The following CFAP65 variants were observed in gnomAD, a reference collection of about 807,000 sequenced individuals.
CFAP65 encodes cilia- and flagella-associated protein 65.
CFAP65 carries 155 observed loss-of-function variants against 208.0 expected under a neutral mutation model. The observed-to-expected ratio is 0.75, with a 90% CI of 0.65 to 0.85. The LOEUF is 0.85. Ranked by LOEUF, CFAP65 falls within the 40% of genes least tolerant of loss-of-function variation. CFAP65 has a pLI of 0.00. For missense variants in CFAP65, 2,294 were observed against 2,451.3 expected (o/e 0.94, Z 1.36); for synonymous variants, 970 against 986.3 (o/e 0.98, Z 0.31).
Position 219,004,507 on chromosome 2 carries a change from T to C in CFAP65, c.5052-52A>G, listed in dbSNP as rs750457337. On this transcript the variant is annotated intron_variant, in intron 32 of 34. Coordinates refer to ENST00000341552, the MANE Select transcript of CFAP65 (RefSeq NM_194302.4). The surrounding 1 kb of genome is among the most constrained non-coding windows in gnomAD (Gnocchi z 4.7). ...CCTTGCTGAGGGGCCCTGAAGCCCC[T>C]GGGGAGCCCTGGCTTCAGAGCTAGG... The C allele has an allele frequency of 1.3e-6, 2 of 1,537,946 alleles. No homozygotes were observed. The highest frequency in any genetic ancestry group is 1.7e-6 in the Non-Finnish European group (2 of 1,146,998).
At chr2:219,015,350 G>C (rs371664014) in intron 21 of CFAP65, 1 of 150,732 alleles carries the variant, frequency 6.6e-6, no homozygotes, top group East Asian at 2.0e-4. Flanking sequence ...CACACCTGAC[G>C]GGAAGTGTGC....
rs1948062971 is a variant in CFAP65, at chr2:219,031,838, T to G, written c.646-180A>C. Among the ~76,000 whole-genome samples the G allele has an allele frequency of 6.6e-6, 1 of 152,142 alleles. No individual in the cohort carries two copies. Among genetic ancestry groups the G allele is most frequent in the African/African-American group, 2.4e-5 (1 of 41,424 alleles). ...TGTCTTGGTCTCAAACATTAGAGCC[T>G]CTTTTGTGGAAAAAGTATTTTGAGG... On this transcript the variant is annotated intron_variant, in intron 6 of 34. Transcript: ENST00000341552. The surrounding 1 kb of genome is among the most constrained non-coding windows in gnomAD (Gnocchi z 5.2).
rs1210590403 is a variant in CFAP65, at chr2:219,040,542, A to C, written c.-26T>G. ...ACCTCCAATTGTGAACTGGACGTTCAGATGAAATCAAAGAAATGTAAGCTG... is the reference window on the plus strand; with the variant it reads ...ACCTCCAATTGTGAACTGGACGTTCCGATGAAATCAAAGAAATGTAAGCTG... On this transcript the variant is annotated 5_prime_UTR_variant, in exon 2 of 35. An upstream open reading frame in the 5' UTR loses its in-frame stop. Transcript: ENST00000341552. The C allele has an allele frequency of 6.5e-7, 1 of 1,541,750 alleles. No individual in the cohort carries two copies. Among genetic ancestry groups the C allele is most frequent in the Admixed American group, 2.0e-5 (1 of 51,006 alleles).
chr2:219,031,511 A>G lies in CFAP65; in HGVS notation c.793T>C (p.Phe265Leu), dbSNP rs1209460566. Residue 265 changes from phenylalanine (F) to leucine (L), a missense_variant, in exon 7 of 35, where the codon TTT becomes CTT. Transcript: ENST00000341552. This position sits in a 1 kb window ranked among gnomAD's most constrained non-coding sequence, Gnocchi z 5.2. ...MCAVGDTTEA[F>L]FCLDNVGDLP... ...CACCCCACATTATCCAGGCAGAAAA[A>G]GGCCTCAGTCGTATCTCCCACAGCA... is the stretch of plus-strand genomic sequence containing the variant. 1 of 1,614,146 alleles carries G rather than the reference A, an allele frequency of 6.2e-7. No individual in the cohort carries two copies. Among genetic ancestry groups the G allele is most frequent in the Admixed American group, 1.7e-5 (1 of 60,022 alleles).
rs1192928554 is a variant in CFAP65 at position 219,004,997 on chromosome 2, C to T, written c.5051+437G>A. On this transcript the variant is annotated intron_variant, in intron 32 of 34. Coordinates refer to ENST00000341552, the MANE Select transcript of CFAP65 (RefSeq NM_194302.4). The surrounding 1 kb of genome is among the most constrained non-coding windows in gnomAD (Gnocchi z 4.7). ...TCTTTCTCTCTTTCTGTCTTTGTCT[C>T]TTTCTTTCTTTCTCTTTTCTTTTCT... is the stretch of plus-strand genomic sequence containing the variant. Among the ~76,000 whole-genome samples the T allele has an allele frequency of 6.8e-6, 1 of 146,442 alleles. No individual in the cohort carries two copies. The highest frequency in any genetic ancestry group is 2.5e-5 in the African/African-American group (1 of 39,298).
At chr2:219,022,030 G>A in intron 17 of CFAP65, 100 bp from the exon 18 acceptor site, 1 of 1,552,102 alleles carries the variant, frequency 6.4e-7, no homozygotes, top group East Asian at 2.2e-5. Context: ...GGAAGGGCAA[G>A]TTTGGGGTAT....
chr2:219,002,915 C>G lies in CFAP65; in HGVS notation c.*22G>C, dbSNP rs769458858. The stretch of plus-strand genomic sequence containing the variant: ...CCAGGCGTGACCCCTAGCGGCATGT[C>G]GGAGAGGCTGGGCGCGGGCATTTAC... On this transcript the variant is annotated 3_prime_UTR_variant, in exon 35 of 35. Coordinates refer to ENST00000341552, the MANE Select transcript of CFAP65 (RefSeq NM_194302.4). This position sits in a 1 kb window ranked among gnomAD's most constrained non-coding sequence, Gnocchi z 7.9. 1.9e-6 allele frequency: 3 copies of G among 1,557,428 alleles called. No individual in the cohort carries two copies. Among genetic ancestry groups the G allele is most frequent in the Middle Eastern group, 1.7e-4 (1 of 5,986 alleles).
intron 13 of CFAP65, chr2:219,027,348 A>T: frequency 6.9e-7 from 1 of 1,448,696 alleles, no homozygotes. Flanking sequence ...GAGGCCTCCT[A>T]GCCAGGAGCC....
At chr2:219,007,609 TG>T (rs1231739626) in intron 29 of CFAP65, among the ~76,000 whole-genome samples, 6 of 152,076 alleles carry the variant, frequency 3.9e-5, no homozygotes, top group Non-Finnish European at 8.8e-5. Context: ...GTTGTGAAAT[TG>T]GGGGAGGAAC....
chr2:219,006,629 T>C, intron 29 of CFAP65, 120 bp from the exon 30 acceptor site: 1 of 915,050 alleles, frequency 1.1e-6, no homozygotes, highest in Non-Finnish European at 1.8e-6. Context: ...AGATCAGAAG[T>C]TTGAGACCTG....
At chr2:219,030,925 G>A (rs1366512328) in intron 8 of CFAP65, 91 bp from the exon 9 acceptor site, 2 of 1,512,040 alleles carry the variant, frequency 1.3e-6, no homozygotes, top group South Asian at 1.3e-5. Flanking sequence ...GGTGGCCCCA[G>A]GGAAAATTTA....
chr2:219,019,023 C>T (rs1448272958), intron 21 of CFAP65, 28 bp downstream of exon 21: 3 of 1,613,400 alleles, frequency 1.9e-6, no homozygotes, highest in East Asian at 2.2e-5. Context: ...GTCTCCCAGG[C>T]CCCCCAGTGG....
rs374908526 is a variant in CFAP65, at chr2:219,031,467, C to T, written c.815+22G>A. ...TCCTCACAGCTCTTGCTCTCCCCGC[C>T]GCACCTCAGCCTCTTCCTCACCCCA... On this transcript the variant is annotated intron_variant, in intron 7 of 34. Coordinates refer to ENST00000341552, the MANE Select transcript of CFAP65 (RefSeq NM_194302.4). The surrounding 1 kb of genome is among the most constrained non-coding windows in gnomAD (Gnocchi z 5.2). 343 of 1,614,160 alleles carry T rather than the reference C, an allele frequency of 2.1e-4. 1 individual carries two copies. In the South Asian group the frequency reaches 2.7e-3, roughly 13 times the overall value.
At chr2:219,021,069 C>T (rs1947233718) in intron 19 of CFAP65, 83 bp downstream of exon 19, 19 of 1,421,558 alleles carry the variant, frequency 1.3e-5, no homozygotes, top group East Asian at 2.6e-5. Context: ...GCCTGACGCT[C>T]GGCATCCACT....
chr2:219,009,636 T>C (rs1280387077), intron 27 of CFAP65, among the ~76,000 whole-genome samples, 176 bp from the exon 28 acceptor site: 2 of 108,856 alleles, frequency 1.8e-5, no homozygotes, highest in African/African-American at 8.7e-5. Flanking sequence ...TGGGATGGGA[T>C]GGGATGGGAT....
In CFAP65 at chr2:219,027,639, C is replaced by T. The variant is rs1426169682; in HGVS notation, c.2211+11G>A. 5.0e-6 allele frequency: 8 copies of T among 1,613,586 alleles called. No individual in the cohort carries two copies. Among genetic ancestry groups the T allele is most frequent in the South Asian group, 1.1e-5 (1 of 91,082 alleles). ...GACCCCGCATTCCTCCCTCTCATTG[C>T]GTGCACACACCTTATAGATGGCGAA... is the stretch of plus-strand genomic sequence containing the variant. On this transcript the variant is annotated intron_variant, in intron 13 of 34. Coordinates refer to ENST00000341552, the MANE Select transcript of CFAP65 (RefSeq NM_194302.4).
chr2:219,009,989 C>T lies in CFAP65; in HGVS notation c.4405G>A (p.Glu1469Lys), dbSNP rs920928199. The T allele has an allele frequency of 8.1e-6, 13 of 1,612,784 alleles. No individual in the cohort carries two copies. The highest frequency in any genetic ancestry group is 1.1e-5 in the South Asian group (1 of 90,922). The change falls in exon 27 of 35, where the codon GAG (glutamate) becomes AAG (lysine). Residue 1469 changes from glutamate to lysine, a missense_variant. By Grantham distance (56) the Glu-to-Lys change is moderately conservative (BLOSUM62 1). This residue lies in a region of CFAP65 where 1,427 missense variants were observed against 1,438.7 expected (regional missense o/e 0.99). Coordinates refer to ENST00000341552, the MANE Select transcript of CFAP65 (RefSeq NM_194302.4). Reference protein sequence around the residue: ...LLFLNNISKNEEIAFSWQPSP... With the variant: ...LLFLNNISKNKEIAFSWQPSP... ...GGCTGCCAGGAGAAGGCAATTTCCT[C>T]GTTCTTGGAGATGTTGTTGAGGAAG...
chr2:219,013,365 TTTAGCTGGAAA>T lies in CFAP65; in HGVS notation c.3847-7_3850del, dbSNP rs1430656812. On this transcript the variant is annotated splice_acceptor_variant and splice_polypyrimidine_tract_variant and coding_sequence_variant and intron_variant, in exon 24 of 35. Coordinates refer to ENST00000341552, the MANE Select transcript of CFAP65 (RefSeq NM_194302.4). LOFTEE classifies it high-confidence loss of function. ...CGGCTTCACTGTCACACCTATGAAA[TTTAGCTGGAAA>T]TAAAAGTTCCCCCGGAGGAACTGAC... is the stretch of plus-strand genomic sequence containing the variant. The T allele has an allele frequency of 6.2e-7, 1 of 1,611,736 alleles. No individual in the cohort carries two copies. The highest frequency in any genetic ancestry group is 1.7e-5 in the Admixed American group (1 of 59,768).
chr2:219,016,600 T>A (rs1272686722), intron 21 of CFAP65, among the ~76,000 whole-genome samples: 2 of 152,058 alleles, frequency 1.3e-5, no homozygotes, highest in Non-Finnish European at 2.9e-5. Context: ...TGGCCCAGTC[T>A]CCCTTGTAAA....
Sources: allele counts gnomAD v4.1 joint callset (sites outside exome capture counted in the v4.1 genomes callset), GRCh38; gene constraint gnomAD v4.1.1; regional missense constraint gnomAD v4.1.1; non-coding constraint Gnocchi (gnomAD v3.1); transcripts MANE v1.5; gene names NCBI Gene and HGNC (gene_info 2026-07-23, HGNC 2026-07-21).